GTF2IRD1: variants seen among roughly 807,000 people sequenced by gnomAD.
GTF2IRD1 encodes the protein GTF2I repeat domain containing 1.
In GTF2IRD1, 26 loss-of-function variants were observed where a neutral mutation model predicts 113.2. The ratio of observed to expected loss-of-function variants is 0.23; its 90% CI spans 0.17 to 0.32. GTF2IRD1 has a LOEUF of 0.32. Among genes scored for constraint, GTF2IRD1 ranks in the 10% least tolerant of loss-of-function variants. The pLI, the probability that GTF2IRD1 is intolerant of heterozygous loss-of-function variation, is 1.00. For synonymous variants in GTF2IRD1, 484 were observed against 529.1 expected (o/e 0.91, Z 1.17); for missense variants, 864 against 1,280.8 (o/e 0.67, Z 4.97).
At chr7:74,517,085 A>C (rs1796977535) in intron 4 of GTF2IRD1, among the ~76,000 whole-genome samples, 1 of 151,336 alleles carries the variant, frequency 6.6e-6, no homozygotes. Flanking sequence ...GTGCAATGGC[A>C]TGATCTCGGC....
intron 1 of GTF2IRD1, among the ~76,000 whole-genome samples, chr7:74,487,082 G>T (rs1795072458): frequency 6.6e-6 from 1 of 152,176 alleles, no homozygotes; most frequent in African/African-American, 2.4e-5. Context: ...CTGTCACCCA[G>T]GTGGGAGTGC....
At chr7:74,462,748 G>A (rs781817363) in intron 1 of GTF2IRD1, among the ~76,000 whole-genome samples, 14 of 152,152 alleles carry the variant, frequency 9.2e-5, no homozygotes, top group South Asian at 4.1e-4. Context: ...ACCCCAAGCC[G>A]GGGGAGCTGC....
intron 9 of GTF2IRD1, among the ~76,000 whole-genome samples, chr7:74,533,350 G>A (rs934049160): frequency 2.0e-5 from 3 of 152,040 alleles, no homozygotes; most frequent in Non-Finnish European, 4.4e-5. Flanking sequence ...GGCCAGGCTG[G>A]TCTCAAACTC....
At chr7:74,587,856 G>C (rs1401343346) in intron 22 of GTF2IRD1, among the ~76,000 whole-genome samples, 4 of 152,122 alleles carry the variant, frequency 2.6e-5, no homozygotes, top group African/African-American at 9.7e-5. Flanking sequence ...GGCTCAAGCA[G>C]CAGATAGGCC....
At chr7:74,456,987 C>CT (rs1466522432) in intron 1 of GTF2IRD1, among the ~76,000 whole-genome samples, 1 of 151,834 alleles carries the variant, frequency 6.6e-6, no homozygotes, top group African/African-American at 2.4e-5. Context: ...GATGTCCTCT[C>CT]TTTTTTTTCT....
Position 74,558,946 on chromosome 7 carries a change from G to A in GTF2IRD1, c.2193G>A (p.Leu731=), listed in dbSNP as rs782318158. 18 of 1,613,960 alleles carry A rather than the reference G, an allele frequency of 1.1e-5. No individual in the cohort carries two copies. The highest frequency in any genetic ancestry group is 1.5e-5 in the Non-Finnish European group (18 of 1,180,002). Residue 731 remains leucine (L), a synonymous_variant, in exon 21 of 27, where the codon CTG becomes CTA. Transcript: ENST00000424337. ...SNPGSVIIEG[L]PPGIPFRKPC... Reference sequence around the variant, plus strand: ...CCGGCTCCGTGATCATCGAGGGGCTGCCCCCAGGAATCCCGTTCCGAAAGC... The same window carrying A: ...CCGGCTCCGTGATCATCGAGGGGCTACCCCCAGGAATCCCGTTCCGAAAGC...
chr7:74,504,129 T>C (rs966583901), intron 1 of GTF2IRD1, among the ~76,000 whole-genome samples: 16 of 152,226 alleles, frequency 1.1e-4, no homozygotes, highest in African/African-American at 2.4e-5. Flanking sequence ...ATGGTGTGCA[T>C]GTACCACATT....
intron 22 of GTF2IRD1, among the ~76,000 whole-genome samples, chr7:74,583,769 G>A (rs587720571): frequency 6.6e-6 from 1 of 152,260 alleles, no homozygotes; most frequent in East Asian, 1.9e-4. Flanking sequence ...GACTTGGAAG[G>A]AAGAGGGGAA....
At position 74,555,425 on chromosome 7, in the gene GTF2IRD1, G is replaced by A. The variant is rs1583873518; in HGVS notation, c.1967-13G>A. The A allele has an allele frequency of 6.2e-7, 1 of 1,613,700 alleles. No homozygotes were observed. Among genetic ancestry groups the A allele is most frequent in the East Asian group, 2.2e-5 (1 of 44,864 alleles). Reference sequence around the variant, plus strand: ...CTCCTCACTTGGCTTCTCTCCCCCTGCCCTGCCCCCAGAGAGGGATTCCGG... The same window carrying A: ...CTCCTCACTTGGCTTCTCTCCCCCTACCCTGCCCCCAGAGAGGGATTCCGG... On this transcript the variant is annotated splice_polypyrimidine_tract_variant and intron_variant, in intron 18 of 26. Transcript: ENST00000424337. This position sits in a 1 kb window ranked among gnomAD's most constrained non-coding sequence, Gnocchi z 5.3.
chr7:74,498,504 A>G (rs1177929875), intron 1 of GTF2IRD1, among the ~76,000 whole-genome samples: 3 of 152,152 alleles, frequency 2.0e-5, no homozygotes, highest in African/African-American at 7.2e-5. Flanking sequence ...TGGAAACAAC[A>G]GGGTATTATC....
intron 1 of GTF2IRD1, among the ~76,000 whole-genome samples, chr7:74,471,678 AAAAAAAAAAAAC>A (rs1343013090): frequency 1.1e-3 from 90 of 82,094 alleles, no homozygotes; most frequent in African/African-American, 3.6e-3. Flanking sequence ...TATTTAAAAA[AAAAAAAAAAAAC>A]AAAAAAAAAA....
chr7:74,578,342 C>G (rs1283903413), intron 22 of GTF2IRD1, among the ~76,000 whole-genome samples: 1 of 152,022 alleles, frequency 6.6e-6, no homozygotes, highest in Non-Finnish European at 1.5e-5. Flanking sequence ...CCCGCCACCA[C>G]GCCCAGCTAA....
chr7:74,554,055 C>T (rs1469029096), intron 17 of GTF2IRD1, among the ~76,000 whole-genome samples: 2 of 152,152 alleles, frequency 1.3e-5, no homozygotes, highest in African/African-American at 4.8e-5. Context: ...GGGTGCCCTC[C>T]CTGAGAGTTT....
intron 26 of GTF2IRD1, 69 bp from the exon 27 acceptor site, chr7:74,602,296 A>G (rs80354921): frequency 0.11 from 167,363 of 1,557,574 alleles, 10,287 homozygotes; most frequent in Non-Finnish European, 0.12. Context: ...CCAAAAGCAG[A>G]ACTAAGCATT....
intron 15 of GTF2IRD1, among the ~76,000 whole-genome samples, chr7:74,545,474 A>G (rs1554353005): frequency 6.6e-6 from 1 of 152,110 alleles, no homozygotes; most frequent in Non-Finnish European, 1.5e-5. Context: ...AGAAAGACCC[A>G]TGGTCACTCC....
chr7:74,493,013 T>G (rs1554337132), intron 1 of GTF2IRD1, among the ~76,000 whole-genome samples: 1 of 151,916 alleles, frequency 6.6e-6, no homozygotes, highest in Non-Finnish European at 1.5e-5. Context: ...CCTCAAGTGG[T>G]CCTCCTGACT....
intron 2 of GTF2IRD1, among the ~76,000 whole-genome samples, chr7:74,509,041 A>G (rs570156256): frequency 6.6e-6 from 1 of 151,954 alleles, no homozygotes; most frequent in Non-Finnish European, 1.5e-5. Context: ...CCTGGGGGGA[A>G]GTTCTGTGAT....
At chr7:74,466,460 A>G (rs1453813510) in intron 1 of GTF2IRD1, among the ~76,000 whole-genome samples, 1 of 151,970 alleles carries the variant, frequency 6.6e-6, no homozygotes. Flanking sequence ...CAGACTAGGC[A>G]TGGCCAGGCC....
intron 1 of GTF2IRD1, among the ~76,000 whole-genome samples, chr7:74,471,121 T>C (rs1027076530): frequency 3.3e-5 from 5 of 152,114 alleles, no homozygotes; most frequent in African/African-American, 1.2e-4. Flanking sequence ...TCTAGTCATA[T>C]GATGTTCTGG....
Sources: allele counts gnomAD v4.1 joint callset (sites outside exome capture counted in the v4.1 genomes callset), GRCh38; gene constraint gnomAD v4.1.1; non-coding constraint Gnocchi (gnomAD v3.1); transcripts MANE v1.5; gene names NCBI Gene and HGNC (gene_info 2026-07-23, HGNC 2026-07-21).